The following ZMYND11 variants were observed in gnomAD, a reference collection of about 807,000 sequenced individuals.
The protein encoded by ZMYND11 is zinc finger MYND domain-containing protein 11.
Under a neutral mutation model 84.9 loss-of-function variants are expected in ZMYND11, and 9 were observed. The observed-to-expected ratio is 0.11, with a 90% CI of 0.06 to 0.18. ZMYND11 has a LOEUF of 0.18. ZMYND11 is among the 10% of genes least tolerant of loss of function. The pLI, the probability that ZMYND11 is intolerant of heterozygous loss-of-function variation, is 1.00. For synonymous variants in ZMYND11, 250 were observed against 244.1 expected, an observed-to-expected ratio of 1.02 and a Z score of -0.23; for missense variants, 409 against 761.0, an observed-to-expected ratio of 0.54 and a Z score of 5.44.
intron 1 of ZMYND11, among the ~76,000 whole-genome samples, chr10:162,576 A>C (rs1363243470): frequency 6.6e-6 from 1 of 152,030 alleles, no homozygotes; most frequent in East Asian, 1.9e-4. Context: ...TGAATGTTGA[A>C]TTTTGTCAAG....
Position 253,474 on chromosome 10 carries a change from C to G in ZMYND11, c.*1004C>G, listed in dbSNP as rs1485673425. The G allele has an allele frequency of 1.3e-5, 2 of 152,574 alleles. No individual in the cohort carries two copies. Among genetic ancestry groups the G allele is most frequent in the Non-Finnish European group, 2.9e-5 (2 of 68,030 alleles). 9.5% of individuals were successfully genotyped at this position (152,574 alleles called of 1,614,324 possible). ...CCTACTAATGAACTCCATCACTGTA[C>G]ACAGAATGAAGAATAATGCATGTTA... On this transcript the variant is annotated 3_prime_UTR_variant, in exon 15 of 15. Coordinates refer to ENST00000381604, the MANE Select transcript of ZMYND11 (RefSeq NM_001370100.5).
At chr10:157,936 C>T (rs782183909) in intron 1 of ZMYND11, among the ~76,000 whole-genome samples, 1 of 152,182 alleles carries the variant, frequency 6.6e-6, no homozygotes, top group Non-Finnish European at 1.5e-5. Context: ...CTGTTCTGGA[C>T]GTTTCATGTA....
intron 10 of ZMYND11, 38 bp downstream of exon 10, chr10:242,177 C>T (rs1284414192): frequency 6.2e-7 from 1 of 1,606,048 alleles, no homozygotes; most frequent in African/African-American, 1.3e-5. Context: ...CACAGCTGTG[C>T]TTATGAAGTC....
intron 14 of ZMYND11, chr10:249,765 A>T: frequency 1.0e-6 from 1 of 985,152 alleles, no homozygotes. Flanking sequence ...GTTTTAATAA[A>T]TGACTATATA....
intron 1 of ZMYND11, among the ~76,000 whole-genome samples, chr10:166,958 C>G (rs1554764060): frequency 6.6e-6 from 1 of 152,040 alleles, no homozygotes; most frequent in East Asian, 1.9e-4. Flanking sequence ...AATGGATGAA[C>G]CTAGAAAACA....
intron 1 of ZMYND11, among the ~76,000 whole-genome samples, chr10:158,232 A>G (rs1474121417): frequency 1.3e-5 from 2 of 152,010 alleles, no homozygotes; most frequent in East Asian, 1.9e-4. Flanking sequence ...TCTTTCGTGT[A>G]TATATGTAGG....
chr10:173,593 CATGCCTGTA>C (rs1564315346), intron 1 of ZMYND11, among the ~76,000 whole-genome samples: 1 of 152,028 alleles, frequency 6.6e-6, no homozygotes, highest in Non-Finnish European at 1.5e-5. Context: ...CATGGTGGTG[CATGCCTGTA>C]GTCCTAGCTA....
intron 1 of ZMYND11, among the ~76,000 whole-genome samples, chr10:142,617 C>G (rs910748974): frequency 1.3e-5 from 2 of 152,202 alleles, no homozygotes; most frequent in African/African-American, 4.8e-5. Flanking sequence ...CTATGCTACT[C>G]TGTCTCCCTA....
chr10:221,120 T>C, intron 3 of ZMYND11, 75 bp from the exon 4 acceptor site: 1 of 1,304,186 alleles, frequency 7.7e-7, no homozygotes, highest in Non-Finnish European at 1.1e-6. Flanking sequence ...TGATGGACAT[T>C]AGTTTCAATT....
chr10:193,987 G>GT (rs531418132), intron 2 of ZMYND11, among the ~76,000 whole-genome samples: 23 of 150,618 alleles, frequency 1.5e-4, no homozygotes, highest in South Asian at 1.3e-3. Context: ...ATTTGGGGTG[G>GT]TTTTTTTTTA....
Position 200,205 on chromosome 10 carries a change from G to GGT in ZMYND11, c.117-9665_117-9664dup, listed in dbSNP as rs71374347. Among the ~76,000 whole-genome samples the GGT allele has an allele frequency of 1.2e-3, 153 of 132,422 alleles. 4 individuals are homozygous for GGT. The highest frequency in any genetic ancestry group is 1.5e-3 in the East Asian group (7 of 4,794). The allele number at this position is 132,422 out of a possible 152,430, so 86.9% of individuals were successfully genotyped here. Reference sequence around the variant, plus strand: ...GACATGTGCTGCCATGCCTGGCTAGGGTGTGTGTGTGTGTGTGTGTATAAT... The same window carrying GGT: ...GACATGTGCTGCCATGCCTGGCTAGGGTGTGTGTGTGTGTGTGTGTGTATAAT... On this transcript the variant is annotated intron_variant, in intron 2 of 14. Transcript: ENST00000381604.
intron 2 of ZMYND11, among the ~76,000 whole-genome samples, 168 bp from the exon 3 acceptor site, chr10:209,721 C>G (rs1944835416): frequency 7.1e-6 from 1 of 141,482 alleles, no homozygotes; most frequent in African/African-American, 2.6e-5. Context: ...GAAGACTTTT[C>G]CTTTCTTTTC....
At chr10:141,651 C>T (rs1341469988) in intron 1 of ZMYND11, among the ~76,000 whole-genome samples, 1 of 152,274 alleles carries the variant, frequency 6.6e-6, no homozygotes, top group Non-Finnish European at 1.5e-5. Flanking sequence ...TTTTAAAGTA[C>T]TCTGTTGAAA....
At chr10:250,589 C>A (rs531649835) in intron 14 of ZMYND11, among the ~76,000 whole-genome samples, 4 of 152,184 alleles carry the variant, frequency 2.6e-5, no homozygotes, top group African/African-American at 7.2e-5. Context: ...TCTTTTGTAG[C>A]ACTTTACCAT....
At chr10:172,674 C>G (rs1845631446) in intron 1 of ZMYND11, among the ~76,000 whole-genome samples, 1 of 152,138 alleles carries the variant, frequency 6.6e-6, no homozygotes, top group Non-Finnish European at 1.5e-5. Context: ...ATTCTTCCCA[C>G]TTTTATGTAT....
At chr10:165,841 A>G (rs1437797134) in intron 1 of ZMYND11, among the ~76,000 whole-genome samples, 3 of 152,120 alleles carry the variant, frequency 2.0e-5, no homozygotes, top group South Asian at 2.1e-4. Context: ...ACTTACTCCA[A>G]AGCTACAGTA....
At chr10:149,117 T>C (rs1265879215) in intron 1 of ZMYND11, among the ~76,000 whole-genome samples, 1 of 151,824 alleles carries the variant, frequency 6.6e-6, no homozygotes, top group Non-Finnish European at 1.5e-5. Flanking sequence ...GGCAAGTAAT[T>C]GACTTTGAAA....
At chr10:151,971 C>T (rs1840481003) in intron 1 of ZMYND11, among the ~76,000 whole-genome samples, 1 of 152,156 alleles carries the variant, frequency 6.6e-6, no homozygotes, top group East Asian at 1.9e-4. Context: ...AACTAAGCTT[C>T]ATAAGTGAAG....
intron 1 of ZMYND11, among the ~76,000 whole-genome samples, chr10:150,543 T>C (rs1159289176): frequency 6.6e-6 from 1 of 152,206 alleles, no homozygotes; most frequent in Non-Finnish European, 1.5e-5. Context: ...ATCAATTTTA[T>C]TGATGGCCAT....
Sources: allele counts gnomAD v4.1 joint callset (sites outside exome capture counted in the v4.1 genomes callset), GRCh38; gene constraint gnomAD v4.1.1; transcripts MANE v1.5; gene names NCBI Gene and HGNC (gene_info 2026-07-23, HGNC 2026-07-21).